Variants in IMMP2L observed in about 807,000 individuals in gnomAD.
The protein encoded by IMMP2L is inner mitochondrial membrane peptidase subunit 2, also known as mitochondrial inner membrane protease subunit 2.
In IMMP2L, 18 loss-of-function variants were observed where a neutral mutation model predicts 19.3. That is an observed-to-expected ratio of 0.93 (90% CI 0.64 to 1.38). IMMP2L has a LOEUF of 1.38. IMMP2L is among the 40% of genes most tolerant of loss of function. The pLI, the probability that IMMP2L is intolerant of heterozygous loss-of-function variation, is 0.00. For missense variants in IMMP2L, 233 were observed against 218.2 expected (o/e 1.07, Z -0.43); for synonymous variants, 76 against 73.0 (o/e 1.04, Z -0.21).
At chr7:111,016,524 TG>T (rs1475168553) in intron 3 of IMMP2L, among the ~76,000 whole-genome samples, 9 of 100,234 alleles carry the variant, frequency 9.0e-5, no homozygotes, top group Non-Finnish European at 1.9e-5. Context: ...ATATTATATA[TG>T]TATATATTAT....
chr7:111,417,108 G>T (rs1835022332), intron 3 of IMMP2L, among the ~76,000 whole-genome samples: 2 of 151,676 alleles, frequency 1.3e-5, no homozygotes, highest in African/African-American at 4.9e-5. Flanking sequence ...TATCATTGAA[G>T]AAACAGTACT....
chr7:111,310,916 G>C (rs2130274905), intron 3 of IMMP2L, among the ~76,000 whole-genome samples: 1 of 152,284 alleles, frequency 6.6e-6, no homozygotes, highest in African/African-American at 2.4e-5. Context: ...GAGCATTATG[G>C]TTTCTAACGC....
chr7:111,243,382 A>G (rs1320904604), intron 3 of IMMP2L, among the ~76,000 whole-genome samples: 1 of 152,098 alleles, frequency 6.6e-6, no homozygotes, highest in Non-Finnish European at 1.5e-5. Flanking sequence ...CAAGCTGTTG[A>G]AATTTTATAT....
intron 5 of IMMP2L, among the ~76,000 whole-genome samples, chr7:110,671,613 C>G (rs1791926335): frequency 6.6e-6 from 1 of 152,154 alleles, no homozygotes; most frequent in African/African-American, 2.4e-5. Flanking sequence ...CTGGTAGACA[C>G]AGTCTTCATG....
intron 5 of IMMP2L, among the ~76,000 whole-genome samples, chr7:110,862,963 C>T (rs1807603882): frequency 6.6e-6 from 1 of 152,016 alleles, no homozygotes; most frequent in South Asian, 2.1e-4. Flanking sequence ...CCTCCTATAA[C>T]GCCTGGCCCT....
chr7:111,115,518 C>G (rs556563231), intron 3 of IMMP2L, among the ~76,000 whole-genome samples: 6 of 152,078 alleles, frequency 3.9e-5, no homozygotes, highest in African/African-American at 1.4e-4. Flanking sequence ...TTTCATCCCC[C>G]CCTCTGTAAA....
intron 3 of IMMP2L, chr7:111,124,819 C>T (rs1417416757): frequency 6.2e-7 from 1 of 1,612,554 alleles, no homozygotes; most frequent in Admixed American, 1.7e-5. Flanking sequence ...TCTGATAAAT[C>T]TCTGGGAAGC....
intron 3 of IMMP2L, among the ~76,000 whole-genome samples, chr7:111,022,911 A>G (rs1359914009): frequency 6.6e-6 from 1 of 152,188 alleles, no homozygotes; most frequent in African/African-American, 2.4e-5. Context: ...TGTGAAATTG[A>G]ATGAGAAAGA....
At chr7:111,221,409 TAGA>T (rs1272977866) in intron 3 of IMMP2L, among the ~76,000 whole-genome samples, 1 of 152,020 alleles carries the variant, frequency 6.6e-6, no homozygotes, top group Admixed American at 6.6e-5. Flanking sequence ...AGCAAATTAT[TAGA>T]AGATTTCAAA....
At chr7:111,512,477 C>T (rs1172861653) in intron 2 of IMMP2L, among the ~76,000 whole-genome samples, 2 of 151,890 alleles carry the variant, frequency 1.3e-5, no homozygotes, top group South Asian at 4.1e-4. Flanking sequence ...ACTTTTAATA[C>T]TATTTATTGA....
At chr7:110,938,275 G>A (rs536458311) in intron 4 of IMMP2L, among the ~76,000 whole-genome samples, 1 of 152,066 alleles carries the variant, frequency 6.6e-6, no homozygotes, top group Non-Finnish European at 1.5e-5. Context: ...AGGGAGGGAG[G>A]GGTATCAAAC....
At chr7:111,528,330 G>A (rs1010023060) in intron 1 of IMMP2L, among the ~76,000 whole-genome samples, 1 of 152,038 alleles carries the variant, frequency 6.6e-6, no homozygotes, top group Non-Finnish European at 1.5e-5. Context: ...AGCAAAAAGG[G>A]AATAATTTTT....
At chr7:111,468,879 A>G (rs1423842330) in intron 3 of IMMP2L, among the ~76,000 whole-genome samples, 1 of 152,116 alleles carries the variant, frequency 6.6e-6, no homozygotes, top group Non-Finnish European at 1.5e-5. Context: ...TTGTGACTAA[A>G]TATGATGGCA....
intron 5 of IMMP2L, among the ~76,000 whole-genome samples, chr7:110,706,405 T>C (rs1562929228): frequency 6.6e-6 from 1 of 152,196 alleles, no homozygotes; most frequent in African/African-American, 2.4e-5. Flanking sequence ...TGTCCAGCAG[T>C]AGTTCTAAGT....
chr7:111,065,366 G>A (rs1175403720), intron 3 of IMMP2L, among the ~76,000 whole-genome samples: 2 of 152,128 alleles, frequency 1.3e-5, no homozygotes, highest in Non-Finnish European at 2.9e-5. Flanking sequence ...CTTTATTATT[G>A]TCTTTATTTG....
chr7:111,306,834 T>C (rs1822930833), intron 3 of IMMP2L, among the ~76,000 whole-genome samples: 5 of 151,904 alleles, frequency 3.3e-5, no homozygotes, highest in Admixed American at 3.3e-4. Flanking sequence ...AAGACTCTGC[T>C]ACCCACAGCA....
intron 3 of IMMP2L, among the ~76,000 whole-genome samples, chr7:111,470,550 A>C (rs2132099846): frequency 6.6e-6 from 1 of 152,032 alleles, no homozygotes; most frequent in South Asian, 2.1e-4. Context: ...GCCATAAAAA[A>C]TGATGAGTTC....
intron 4 of IMMP2L, among the ~76,000 whole-genome samples, chr7:110,947,273 C>T (rs1293021483): frequency 2.6e-5 from 4 of 152,088 alleles, no homozygotes; most frequent in African/African-American, 4.8e-5. Flanking sequence ...GATTTCCTTC[C>T]ACTTTATTGT....
intron 3 of IMMP2L, among the ~76,000 whole-genome samples, chr7:111,473,950 A>G (rs1303834256): frequency 6.6e-6 from 1 of 152,208 alleles, no homozygotes; most frequent in Non-Finnish European, 1.5e-5. Flanking sequence ...CTGAATAAAG[A>G]AAGTGTGGTA....
Sources: gnomAD v4.1 joint callset for allele counts (sites outside exome capture counted in the v4.1 genomes callset) on GRCh38, gnomAD v4.1.1 for gene constraint, MANE v1.5 for transcripts, NCBI Gene and HGNC (gene_info 2026-07-23, HGNC 2026-07-21) for gene names.